The following KLF12 variants were observed in gnomAD, a reference collection of about 807,000 sequenced individuals.
KLF12 encodes Krueppel-like factor 12.
In KLF12, 9 loss-of-function variants were observed where a neutral mutation model predicts 37.8. The ratio of observed to expected loss-of-function variants is 0.24; its 90% CI spans 0.14 to 0.42. The LOEUF (loss-of-function observed/expected upper bound fraction) is 0.42, where lower values mean the gene tolerates loss of function less well. Ranked by LOEUF, KLF12 falls within the 10% of genes least tolerant of loss-of-function variation. The probability of loss-of-function intolerance (pLI) is 1.00; values close to 1 mark genes in which losing one functional copy is unlikely to be tolerated. For missense variants in KLF12, 411 were observed against 516.0 expected, an observed-to-expected ratio of 0.80 and a Z score of 1.97; for synonymous variants, 208 against 202.1, an observed-to-expected ratio of 1.03 and a Z score of -0.25.
At chr13:73,773,905 C>G (rs972367015) in intron 5 of KLF12, among the ~76,000 whole-genome samples, 2 of 152,146 alleles carry the variant, frequency 1.3e-5, no homozygotes. Flanking sequence ...CCTACCCCTT[C>G]CTCAGCTCCG....
At chr13:73,972,359 C>T (rs536347267) in intron 2 of KLF12, among the ~76,000 whole-genome samples, 14 of 152,036 alleles carry the variant, frequency 9.2e-5, no homozygotes, top group African/African-American at 3.4e-4. Flanking sequence ...AGTTCGACTC[C>T]CTATAACTAA....
intron 2 of KLF12, among the ~76,000 whole-genome samples, chr13:73,955,742 C>A (rs573221744): frequency 6.6e-6 from 1 of 152,316 alleles, no homozygotes; most frequent in Admixed American, 6.5e-5. Context: ...AAGTTATCCA[C>A]AAAGTGGCCT....
chr13:73,738,117 A>ACACACACATATATGTATGTG (rs1877638215), intron 6 of KLF12, among the ~76,000 whole-genome samples: 3 of 66,474 alleles, frequency 4.5e-5, no homozygotes, highest in African/African-American at 1.1e-4. Flanking sequence ...ATATATATAT[A>ACACACACATATATGTATGTG]TATATATACA....
intron 1 of KLF12, among the ~76,000 whole-genome samples, chr13:74,129,459 A>G (rs1410396014): frequency 6.6e-6 from 1 of 152,178 alleles, no homozygotes; most frequent in East Asian, 1.9e-4. Flanking sequence ...GCCAGCAGGT[A>G]GTTATCGTGG....
intron 1 of KLF12, among the ~76,000 whole-genome samples, chr13:74,107,302 T>A (rs983310342): frequency 5.9e-5 from 9 of 152,220 alleles, no homozygotes; most frequent in Non-Finnish European, 1.0e-4. Context: ...GAGGCACACA[T>A]GTATTCCCAG....
chr13:73,783,013 C>T lies in KLF12; in HGVS notation c.807-18013G>A, dbSNP rs550470141. Among the ~76,000 whole-genome samples, 208 of 152,252 alleles carry T rather than the reference C, an allele frequency of 1.4e-3. 3 individuals are homozygous for T. Among genetic ancestry groups the T allele is most frequent in the African/African-American group, 4.6e-3 (193 of 41,540 alleles). On this transcript the variant is annotated intron_variant, in intron 5 of 7. Transcript: ENST00000377669. ...CCCATCCTCTTACATATGTATCATC[C>T]GGCTACACACAGGCCTGCTCCCCTG...
the KLF12 span, among the ~76,000 whole-genome samples, chr13:74,142,823 AC>A: frequency 6.6e-6 from 1 of 152,180 alleles, no homozygotes; most frequent in Non-Finnish European, 1.5e-5. Flanking sequence ...AAACGTATGT[AC>A]TCAGTTAATT....
At chr13:73,783,536 C>A (rs547496499) in intron 5 of KLF12, among the ~76,000 whole-genome samples, 2 of 152,110 alleles carry the variant, frequency 1.3e-5, no homozygotes, top group South Asian at 2.1e-4. Flanking sequence ...ATCCTAAATA[C>A]CCTGATTGGA....
rs995532575 is a variant in KLF12 at position 73,690,961 on chromosome 13, C to T, written c.*4529G>A. 3 of 152,534 alleles carry T rather than the reference C, an allele frequency of 2.0e-5. No homozygotes were observed. The highest frequency in any genetic ancestry group is 7.2e-5 in the African/African-American group (3 of 41,426). The allele number at this position is 152,534 out of a possible 1,614,324, so 9.4% of individuals were successfully genotyped here. A position where few individuals can be genotyped will look rare whatever the true frequency, so the allele number is the denominator to read the frequency against. Reference sequence around the variant, plus strand: ...TTAGCATATTTAAAGTATCAGTGGACATGGGTTACTAAACAGACATTATAA... The same window carrying T: ...TTAGCATATTTAAAGTATCAGTGGATATGGGTTACTAAACAGACATTATAA... On this transcript the variant is annotated 3_prime_UTR_variant, in exon 8 of 8. Coordinates refer to ENST00000377669, the MANE Select transcript of KLF12 (RefSeq NM_007249.5).
intron 6 of KLF12, among the ~76,000 whole-genome samples, chr13:73,741,391 G>A (rs982618007): frequency 2.6e-5 from 4 of 152,168 alleles, no homozygotes; most frequent in African/African-American, 9.7e-5. Context: ...GGTTGGTAAG[G>A]TATTGCTGTG....
intron 3 of KLF12, among the ~76,000 whole-genome samples, chr13:73,924,252 A>AT (rs1889267918): frequency 6.6e-6 from 1 of 152,178 alleles, no homozygotes. Context: ...GCTTTGCTTT[A>AT]TTGTGCTTCA....
intron 1 of KLF12, among the ~76,000 whole-genome samples, chr13:74,005,176 T>C (rs1217340528): frequency 6.6e-6 from 1 of 152,178 alleles, no homozygotes; most frequent in Non-Finnish European, 1.5e-5. Flanking sequence ...GGTACTGCTA[T>C]GAACATAATA....
intron 1 of KLF12, among the ~76,000 whole-genome samples, chr13:74,071,665 C>G (rs531164032): frequency 6.6e-6 from 1 of 152,252 alleles, no homozygotes; most frequent in East Asian, 1.9e-4. Flanking sequence ...TGCACTCCAG[C>G]CTGGGCGACA....
chr13:73,960,076 CA>C (rs1890972054), intron 2 of KLF12, among the ~76,000 whole-genome samples: 1 of 152,072 alleles, frequency 6.6e-6, no homozygotes, highest in Non-Finnish European at 1.5e-5. Context: ...ATGTGAGTCT[CA>C]AAAAGTGACT....
At chr13:74,145,360 T>A in the KLF12 span, among the ~76,000 whole-genome samples, 1 of 152,248 alleles carries the variant, frequency 6.6e-6, no homozygotes, top group Non-Finnish European at 1.5e-5. Context: ...GTTGTCATGA[T>A]ACAATTTGCT....
At chr13:73,842,142 T>C (rs1207517899) in intron 4 of KLF12, among the ~76,000 whole-genome samples, 1 of 152,190 alleles carries the variant, frequency 6.6e-6, no homozygotes, top group Non-Finnish European at 1.5e-5. Flanking sequence ...CATTCTGTCC[T>C]TAGTCAAGCA....
At chr13:73,894,680 A>G (rs2139042434) in intron 3 of KLF12, among the ~76,000 whole-genome samples, 1 of 152,304 alleles carries the variant, frequency 6.6e-6, no homozygotes, top group Admixed American at 6.5e-5. Context: ...TCGCATATAC[A>G]CACTGAATAG....
intron 5 of KLF12, among the ~76,000 whole-genome samples, chr13:73,806,381 G>A (rs548088856): frequency 2.6e-5 from 4 of 152,162 alleles, no homozygotes; most frequent in Admixed American, 6.5e-5. Flanking sequence ...GAATACAGGC[G>A]TGAGCCACCG....
rs576211218 is a variant in KLF12, at chr13:73,812,798, C to A, written c.806+354G>T. 7 of 173,634 alleles carry A rather than the reference C, an allele frequency of 4.0e-5. No homozygotes were observed. The South Asian group carries it at 1.3e-3, about 33-fold the overall frequency. 10.8% of individuals were successfully genotyped at this position (173,634 alleles called of 1,614,324 possible). A position where few individuals can be genotyped will look rare whatever the true frequency, so the allele number is the denominator to read the frequency against. On this transcript the variant is annotated intron_variant, in intron 5 of 7. Coordinates refer to ENST00000377669, the MANE Select transcript of KLF12 (RefSeq NM_007249.5). ...TTCCTATCAAAACAAGATAACAATACTTTGCCATATTTCCCTTGACTTTGT... is the reference window on the plus strand; with the variant it reads ...TTCCTATCAAAACAAGATAACAATAATTTGCCATATTTCCCTTGACTTTGT...
Sources: allele counts gnomAD v4.1 joint callset (sites outside exome capture counted in the v4.1 genomes callset), GRCh38; gene constraint gnomAD v4.1.1; transcripts MANE v1.5; gene names NCBI Gene and HGNC (gene_info 2026-07-23, HGNC 2026-07-21).